PTGFR: variants seen among roughly 807,000 people sequenced by gnomAD.
PTGFR encodes prostaglandin F2-alpha receptor.
In PTGFR, 15 loss-of-function variants were observed where a neutral mutation model predicts 26.2. The observed-to-expected ratio is 0.57, with a 90% CI of 0.38 to 0.88. The LOEUF is 0.88. Ranked by LOEUF, PTGFR falls within the 40% of genes least tolerant of loss-of-function variation. The pLI, the probability that PTGFR is intolerant of heterozygous loss-of-function variation, is 0.00. For missense variants in PTGFR, 369 were observed against 427.2 expected, an observed-to-expected ratio of 0.86 and a Z score of 1.20; for synonymous variants, 165 against 151.1, an observed-to-expected ratio of 1.09 and a Z score of -0.68.
intron 2 of PTGFR, among the ~76,000 whole-genome samples, chr1:78,527,208 T>C (rs1179415932): frequency 6.6e-6 from 1 of 152,130 alleles, no homozygotes; most frequent in Non-Finnish European, 1.5e-5. Context: ...GTATACTGCA[T>C]TGTAACATTT....
At chr1:78,495,870 A>C (rs904594269) in intron 2 of PTGFR, among the ~76,000 whole-genome samples, 1 of 152,242 alleles carries the variant, frequency 6.6e-6, no homozygotes, top group Non-Finnish European at 1.5e-5. Context: ...TCCTATTGGA[A>C]ACAAAGTTTC....
intron 2 of PTGFR, among the ~76,000 whole-genome samples, chr1:78,518,843 TA>T (rs1053510749): frequency 7.2e-5 from 11 of 152,096 alleles, no homozygotes; most frequent in Non-Finnish European, 1.5e-4. Flanking sequence ...TTAAAATATT[TA>T]AAAAAATCGA....
At chr1:78,509,985 A>T (rs1475718128) in intron 2 of PTGFR, among the ~76,000 whole-genome samples, 2 of 152,326 alleles carry the variant, frequency 1.3e-5, no homozygotes, top group South Asian at 2.1e-4. Flanking sequence ...GTTGTTTTAC[A>T]TGGTTGCTAA....
At chr1:78,491,514 C>T (rs1204971088) in intron 1 of PTGFR, among the ~76,000 whole-genome samples, 6 of 152,228 alleles carry the variant, frequency 3.9e-5, no homozygotes. Context: ...TGCGGGGTTC[C>T]CTGCGGGCGG....
intron 2 of PTGFR, among the ~76,000 whole-genome samples, chr1:78,498,574 T>A (rs1284915327): frequency 2.0e-5 from 3 of 152,156 alleles, no homozygotes; most frequent in African/African-American, 7.2e-5. Context: ...TAAGAGGGAT[T>A]CTAGTGGGTG....
intron 2 of PTGFR, chr1:78,498,019 C>A: frequency 9.1e-7 from 1 of 1,098,324 alleles, no homozygotes. Context: ...TACTCTTATG[C>A]TAATATTTCT....
intron 2 of PTGFR, among the ~76,000 whole-genome samples, chr1:78,519,214 TG>T (rs1409490863): frequency 1.3e-5 from 2 of 152,144 alleles, no homozygotes; most frequent in Non-Finnish European, 2.9e-5. Context: ...AGTCTATACT[TG>T]AACCTCTCCT....
chr1:78,510,033 T>C (rs2100368362), intron 2 of PTGFR, among the ~76,000 whole-genome samples: 1 of 152,334 alleles, frequency 6.6e-6, no homozygotes, highest in Non-Finnish European at 1.5e-5. Flanking sequence ...ATCCAAAGAT[T>C]ACCTGCTAAA....
chr1:78,511,371 C>A (rs944871333), intron 2 of PTGFR, among the ~76,000 whole-genome samples: 1 of 152,226 alleles, frequency 6.6e-6, no homozygotes, highest in African/African-American at 2.4e-5. Flanking sequence ...GCATTCTGTG[C>A]ACCTATAGGT....
intron 2 of PTGFR, among the ~76,000 whole-genome samples, chr1:78,535,653 G>A (rs192336363): frequency 6.6e-6 from 1 of 152,250 alleles, no homozygotes; most frequent in African/African-American, 2.4e-5. Context: ...TGGGATCAGT[G>A]ATTTGCTTAG....
Position 78,492,755 on chromosome 1 carries a change from C to T in PTGFR, c.12C>T (p.Asn4=), listed in dbSNP as rs766345178. 9 of 1,611,740 alleles carry T rather than the reference C, an allele frequency of 5.6e-6. No homozygotes were observed. Among genetic ancestry groups the T allele is most frequent in the Non-Finnish European group, 6.8e-6 (8 of 1,178,794 alleles). Residue 4 remains asparagine, a synonymous_variant, in exon 2 of 3, where the codon AAC becomes AAT. Transcript: ENST00000370757. ...TTATCTCCACAACAATGTCCATGAA[C>T]AATTCCAAACAGCTAGTGTCTCCTG... is the stretch of plus-strand genomic sequence containing the variant. MSM[N]NSKQLVSPAA... is the part of the protein sequence containing the mutation.
chr1:78,512,197 T>C (rs987809160), intron 2 of PTGFR, among the ~76,000 whole-genome samples: 2 of 152,242 alleles, frequency 1.3e-5, no homozygotes, highest in African/African-American at 4.8e-5. Flanking sequence ...CTCTGCCTGG[T>C]TCACAGTTCC....
intron 2 of PTGFR, chr1:78,532,363 T>C (rs1043251577): frequency 2.2e-5 from 2 of 91,028 alleles, no homozygotes; most frequent in African/African-American, 6.0e-5. Context: ...AGTAAATTCA[T>C]TTATATATAT....
intron 2 of PTGFR, chr1:78,532,250 G>A (rs1226990803): frequency 7.4e-6 from 3 of 404,532 alleles, no homozygotes; most frequent in Admixed American, 5.8e-5. Flanking sequence ...GAAAAACAAG[G>A]TGTGGATGGA....
chr1:78,498,013 CTT>C (rs1390280612), intron 2 of PTGFR: 1 of 1,177,194 alleles, frequency 8.5e-7, no homozygotes, highest in East Asian at 2.4e-5. Flanking sequence ...TAAGGTTACT[CTT>C]ATGCTAATAT....
At chr1:78,501,431 T>C (rs111642290) in intron 2 of PTGFR, among the ~76,000 whole-genome samples, 25 of 152,236 alleles carry the variant, frequency 1.6e-4, no homozygotes, top group African/African-American at 5.8e-4. Context: ...CTTGTAAATA[T>C]ACCTTTCAGA....
At position 78,530,914 on chromosome 1, in the gene PTGFR, G is replaced by A. The variant is rs569466701; in HGVS notation, c.799-5492G>A. Among the ~76,000 whole-genome samples, 4 of 152,192 alleles carry A rather than the reference G, an allele frequency of 2.6e-5. No individual in the cohort carries two copies. The East Asian group carries it at 5.8e-4, about 22-fold the overall frequency. On this transcript the variant is annotated intron_variant, in intron 2 of 2. Coordinates refer to ENST00000370757, the MANE Select transcript of PTGFR (RefSeq NM_000959.4). ...TGTCTGTGACTTGGCTTTCTTTTTGGCAATATCAGAAAGATAGCAACCACC... is the reference window on the plus strand; with the variant it reads ...TGTCTGTGACTTGGCTTTCTTTTTGACAATATCAGAAAGATAGCAACCACC...
At chr1:78,496,909 T>C (rs1649567116) in intron 2 of PTGFR, among the ~76,000 whole-genome samples, 1 of 134,488 alleles carries the variant, frequency 7.4e-6, no homozygotes, top group Non-Finnish European at 1.6e-5. Flanking sequence ...ATCAGCTTTA[T>C]TATTAATATC....
chr1:78,530,798 G>A (rs551696918), intron 2 of PTGFR, among the ~76,000 whole-genome samples: 2 of 152,150 alleles, frequency 1.3e-5, no homozygotes, highest in African/African-American at 2.4e-5. Context: ...TGGGAATGGT[G>A]TAGTGGAAGA....
Sources: gnomAD v4.1 joint callset for allele counts (sites outside exome capture counted in the v4.1 genomes callset) on GRCh38, gnomAD v4.1.1 for gene constraint, MANE v1.5 for transcripts, NCBI Gene and HGNC (gene_info 2026-07-23, HGNC 2026-07-21) for gene names.